Variants in MEOX2 observed in about 807,000 individuals in gnomAD.
The protein encoded by MEOX2 is homeobox protein MOX-2.
MEOX2 carries 11 observed loss-of-function variants against 27.0 expected under a neutral mutation model. The ratio of observed to expected loss-of-function variants is 0.41; its 90% confidence interval spans 0.26 to 0.68. The LOEUF (loss-of-function observed/expected upper bound fraction) is 0.68, where lower values mean the gene tolerates loss of function less well. Among genes scored for constraint, MEOX2 ranks in the 30% least tolerant of loss-of-function variants. MEOX2 has a pLI of 0.33. For synonymous variants in MEOX2, 189 were observed against 155.4 expected (o/e 1.22, Z -1.61); for missense variants, 436 against 385.4 (o/e 1.13, Z -1.10).
Position 15,686,545 on chromosome 7 carries a change from T to C in MEOX2, c.-143A>G. On this transcript the variant is annotated 5_prime_UTR_variant, in exon 1 of 3. Transcript: ENST00000262041. ...GCGGTGCACTTCTGCAGAGCTCGGA[T>C]AATCCCGGTCCTGAGCCCCAGCGGC... 4 of 754,980 alleles carry C rather than the reference T, an allele frequency of 5.3e-6. No individual in the cohort carries two copies. The highest frequency in any genetic ancestry group is 8.4e-6 in the Non-Finnish European group (4 of 473,978). 46.8% of individuals were successfully genotyped at this position (754,980 alleles called of 1,614,324 possible). A position where few individuals can be genotyped will look rare whatever the true frequency, so the allele number is the denominator to read the frequency against.
At chr7:15,620,539 C>T (rs1356909107) in intron 2 of MEOX2, among the ~76,000 whole-genome samples, 5 of 151,994 alleles carry the variant, frequency 3.3e-5, no homozygotes, top group Non-Finnish European at 7.3e-5. Context: ...AGCCACTGCA[C>T]TCCAGCCTGG....
chr7:15,622,103 C>A (rs967353144), intron 2 of MEOX2, among the ~76,000 whole-genome samples: 1 of 151,982 alleles, frequency 6.6e-6, no homozygotes, highest in African/African-American at 2.4e-5. Flanking sequence ...GGTGACAGAG[C>A]GAGACTCTGT....
intron 1 of MEOX2, among the ~76,000 whole-genome samples, chr7:15,634,921 A>G (rs571503644): frequency 6.6e-6 from 1 of 152,122 alleles, no homozygotes; most frequent in African/African-American, 2.4e-5. Context: ...CATAGAAATT[A>G]CCATGTTCCT....
At chr7:15,677,012 G>A (rs989926744) in intron 1 of MEOX2, among the ~76,000 whole-genome samples, 1 of 152,180 alleles carries the variant, frequency 6.6e-6, no homozygotes, top group African/African-American at 2.4e-5. Context: ...GAAATCTTAA[G>A]GGTGGGAAAG....
At position 15,612,628 on chromosome 7, in the gene MEOX2, G is replaced by GAACA; in HGVS notation, c.691-21_691-18dup. 6.2e-7 allele frequency: 1 copy of GAACA among 1,604,338 alleles called. No homozygotes were observed. Among genetic ancestry groups the GAACA allele is most frequent in the Non-Finnish European group, 8.5e-7 (1 of 1,171,428 alleles). On this transcript the variant is annotated splice_polypyrimidine_tract_variant and intron_variant, in intron 2 of 2. Transcript: ENST00000262041. ...GACTTTCACCTTCAACCAAGAAAGG[G>GAACA]AACAAACAAACAGAAAAAAAGAGAT...
intron 2 of MEOX2, 119 bp downstream of exon 2, chr7:15,626,627 A>T (rs1781311933): frequency 1.5e-6 from 1 of 666,634 alleles, no homozygotes; most frequent in Admixed American, 2.6e-5. Flanking sequence ...ATGGAATAGT[A>T]TAACTGTCTT....
At chr7:15,640,054 T>A (rs1464796547) in intron 1 of MEOX2, among the ~76,000 whole-genome samples, 1 of 152,170 alleles carries the variant, frequency 6.6e-6, no homozygotes, top group Non-Finnish European at 1.5e-5. Context: ...TTGTGTTGAA[T>A]CTGTAGATCA....
intron 2 of MEOX2, among the ~76,000 whole-genome samples, chr7:15,617,122 A>G (rs1159787423): frequency 6.6e-6 from 1 of 152,060 alleles, no homozygotes; most frequent in East Asian, 1.9e-4. Context: ...TATTTATGTA[A>G]CACCATAAAT....
chr7:15,649,850 A>G (rs1014424525), intron 1 of MEOX2, among the ~76,000 whole-genome samples: 1 of 152,076 alleles, frequency 6.6e-6, no homozygotes, highest in African/African-American at 2.4e-5. Context: ...GCCATCAGGA[A>G]CTCAGGACAG....
intron 1 of MEOX2, among the ~76,000 whole-genome samples, chr7:15,631,356 G>A (rs1230615613): frequency 1.3e-5 from 2 of 151,740 alleles, no homozygotes; most frequent in African/African-American, 4.8e-5. Flanking sequence ...ATGCTTTCGG[G>A]GAGGAAATAA....
chr7:15,637,027 G>T (rs1781489498), intron 1 of MEOX2, among the ~76,000 whole-genome samples: 1 of 151,990 alleles, frequency 6.6e-6, no homozygotes, highest in African/African-American at 2.4e-5. Flanking sequence ...AACACATTCA[G>T]ACCATAGAAT....
chr7:15,667,289 C>CAAAA lies in MEOX2; in HGVS notation c.517+18593_517+18596dup, dbSNP rs532691969. 5.6e-4 allele frequency among the ~76,000 whole-genome samples: 23 copies of CAAAA among 40,976 alleles called. 2 individuals are homozygous for CAAAA. The East Asian group carries it at 5.8e-3, about 10-fold the overall frequency. 26.9% of individuals were successfully genotyped at this position (40,976 alleles called of 152,430 possible). ...CTGGCAACAGAGTGAGACTCTGTCT[C>CAAAA]AAAAAAAAAAAAAAAAAAAAAAAGT... is the stretch of plus-strand genomic sequence containing the variant. On this transcript the variant is annotated intron_variant, in intron 1 of 2. Coordinates refer to ENST00000262041, the MANE Select transcript of MEOX2 (RefSeq NM_005924.5).
Position 15,612,339 on chromosome 7 carries a change from C to A in MEOX2, c.*48G>T. 1.4e-6 allele frequency: 2 copies of A among 1,449,914 alleles called. No homozygotes were observed. The highest frequency in any genetic ancestry group is 1.9e-6 in the Non-Finnish European group (2 of 1,032,528). 89.8% of individuals were successfully genotyped at this position (1,449,914 alleles called of 1,614,324 possible). ...GTAAACGATATTTGGGTAAGGCTTGCCATCACAACATTTCTTTCCTGAGAA... is the reference window on the plus strand; with the variant it reads ...GTAAACGATATTTGGGTAAGGCTTGACATCACAACATTTCTTTCCTGAGAA... On this transcript the variant is annotated 3_prime_UTR_variant, in exon 3 of 3. Coordinates refer to ENST00000262041, the MANE Select transcript of MEOX2 (RefSeq NM_005924.5).
intron 1 of MEOX2, among the ~76,000 whole-genome samples, chr7:15,653,103 G>A (rs1016716098): frequency 3.3e-5 from 4 of 121,136 alleles, no homozygotes; most frequent in Non-Finnish European, 5.7e-5. Flanking sequence ...TAGCGGTGGT[G>A]TCTGGATGAT....
intron 2 of MEOX2, among the ~76,000 whole-genome samples, chr7:15,624,547 C>G (rs1023764264): frequency 6.6e-6 from 1 of 152,082 alleles, no homozygotes; most frequent in Admixed American, 6.6e-5. Context: ...CCTCAGTGCT[C>G]CTGGGAATGC....
intron 1 of MEOX2, among the ~76,000 whole-genome samples, chr7:15,654,371 T>C (rs1478522416): frequency 6.6e-6 from 1 of 151,876 alleles, no homozygotes; most frequent in South Asian, 2.1e-4. Context: ...AACAGGCTTT[T>C]TTTTCTTCCT....
intron 1 of MEOX2, among the ~76,000 whole-genome samples, chr7:15,672,963 A>T (rs1313890966): frequency 6.6e-6 from 1 of 152,188 alleles, no homozygotes; most frequent in Non-Finnish European, 1.5e-5. Context: ...CAGATAATTA[A>T]ACTTAACCTG....
chr7:15,615,465 A>G lies in MEOX2; in HGVS notation c.691-2854T>C, dbSNP rs938683416. ...CATATAGAGTATGTGGACGCCATCC[A>G]TGTGATTACTATCATTCAGGTAATT... On this transcript the variant is annotated intron_variant, in intron 2 of 2. Transcript: ENST00000262041. 3.3e-5 allele frequency among the ~76,000 whole-genome samples: 5 copies of G among 152,002 alleles called. No homozygotes were observed. The East Asian group carries it at 9.7e-4, about 29-fold the overall frequency.
At chr7:15,679,961 A>C (rs1782266367) in intron 1 of MEOX2, 2 of 151,928 alleles carry the variant, frequency 1.3e-5, no homozygotes, top group Non-Finnish European at 2.9e-5. Context: ...GTGCACAATT[A>C]GTAGTGAGTA....
Sources: gnomAD v4.1 joint callset for allele counts (sites outside exome capture counted in the v4.1 genomes callset) on GRCh38, gnomAD v4.1.1 for gene constraint, MANE v1.5 for transcripts, NCBI Gene and HGNC (gene_info 2026-07-23, HGNC 2026-07-21) for gene names.